The following ABCA13 variants were observed in gnomAD, a reference collection of about 807,000 sequenced individuals.
ABCA13 encodes ATP-binding cassette sub-family A member 13.
A neutral mutation model predicts 478.7 loss-of-function variants in ABCA13; 476 were observed. That is an observed-to-expected ratio of 0.99 (90% confidence interval 0.92 to 1.07). The LOEUF (loss-of-function observed/expected upper bound fraction) is 1.07, where lower values mean the gene tolerates loss of function less well. Among genes scored for constraint, ABCA13 ranks in the 50% least tolerant of loss-of-function variants. The probability of loss-of-function intolerance (pLI) is 0.00; values close to 1 mark genes in which losing one functional copy is unlikely to be tolerated. For missense variants in ABCA13, 6,060 were observed against 5,910.6 expected, an observed-to-expected ratio of 1.03 and a Z score of -0.83; for synonymous variants, 2,252 against 2,158.9, an observed-to-expected ratio of 1.04 and a Z score of -1.20.
intron 3 of ABCA13, among the ~76,000 whole-genome samples, chr7:48,206,378 C>T (rs1340282822): frequency 2.0e-5 from 3 of 152,168 alleles, no homozygotes; most frequent in African/African-American, 7.2e-5. Context: ...GGTGTGTAGG[C>T]TAAGAGCAAT....
intron 48 of ABCA13, among the ~76,000 whole-genome samples, chr7:48,504,087 C>T (rs1387082900): frequency 3.9e-5 from 6 of 152,026 alleles, no homozygotes; most frequent in South Asian, 2.1e-4. Flanking sequence ...TTAAATTCAG[C>T]GTTGGACAGA....
At position 48,455,153 on chromosome 7, in the gene ABCA13, G is replaced by A. The variant is rs756701362; in HGVS notation, c.12682G>A (p.Ala4228Thr). ...RTLRAGKSTL[A>T]DLLLPVLFVA... Reference sequence around the variant, plus strand: ...GCTGCGCGCCGGGAAGAGCACCCTCGCCGACCTGCTGCTGCCAGTCCTCTT... The same window carrying A: ...GCTGCGCGCCGGGAAGAGCACCCTCACCGACCTGCTGCTGCCAGTCCTCTT... The change falls in exon 43 of 62, where the codon GCC (alanine) becomes ACC (threonine). Residue 4228 changes from alanine (A) to threonine (T), a missense_variant. By Grantham distance (58) the Ala-to-Thr change is moderately conservative. This residue lies in a region of ABCA13 where 1,627 missense variants were observed against 1,571.0 expected (regional missense o/e 1.04). Coordinates refer to ENST00000435803, the MANE Select transcript of ABCA13 (RefSeq NM_152701.5). The A allele has an allele frequency of 4.4e-6, 7 of 1,579,202 alleles. No homozygotes were observed. The Admixed American group carries it at 7.2e-5, about 16-fold the overall frequency.
chr7:48,537,005 G>C (rs993017713), intron 55 of ABCA13, among the ~76,000 whole-genome samples: 1 of 151,700 alleles, frequency 6.6e-6, no homozygotes, highest in African/African-American at 2.4e-5. Flanking sequence ...TATAACTATG[G>C]TTCTCCTAAA....
At chr7:48,604,339 A>G (rs1791234746) in intron 58 of ABCA13, among the ~76,000 whole-genome samples, 1 of 152,114 alleles carries the variant, frequency 6.6e-6, no homozygotes, top group South Asian at 2.1e-4. Flanking sequence ...TCAATTTTAG[A>G]TCTTTCCAGC....
At chr7:48,593,732 T>A (rs1411968843) in intron 57 of ABCA13, among the ~76,000 whole-genome samples, 1 of 152,072 alleles carries the variant, frequency 6.6e-6, no homozygotes, top group Non-Finnish European at 1.5e-5. Context: ...GGAGCATTTT[T>A]TTTTTTATAA....
chr7:48,483,648 G>T (rs1585535422), intron 47 of ABCA13, among the ~76,000 whole-genome samples: 1 of 152,184 alleles, frequency 6.6e-6, no homozygotes, highest in Admixed American at 6.5e-5. Context: ...GGTCCCCTTA[G>T]AATTAAAGAG....
intron 30 of ABCA13, among the ~76,000 whole-genome samples, chr7:48,351,881 A>AT (rs1426748865): frequency 6.6e-6 from 1 of 152,092 alleles, no homozygotes; most frequent in Non-Finnish European, 1.5e-5. Context: ...AGAGAAAAAA[A>AT]CCCTGCAAAA....
intron 5 of ABCA13, among the ~76,000 whole-genome samples, chr7:48,223,616 C>G (rs1299283900): frequency 6.6e-6 from 1 of 151,956 alleles, no homozygotes; most frequent in Non-Finnish European, 1.5e-5. Context: ...AAGAAAGGCT[C>G]TGATGGAATG....
intron 7 of ABCA13, among the ~76,000 whole-genome samples, chr7:48,230,309 G>C (rs1788856476): frequency 6.6e-6 from 1 of 152,066 alleles, no homozygotes; most frequent in Non-Finnish European, 1.5e-5. Flanking sequence ...CTATTGGGAG[G>C]AAATATTTTA....
Position 48,455,120 on chromosome 7 carries a change from C to A in ABCA13, c.12649C>A (p.Arg4217Ser), listed in dbSNP as rs761878795. 6.4e-7 allele frequency: 1 copy of A among 1,562,036 alleles called. No homozygotes were observed. The highest frequency in any genetic ancestry group is 1.2e-5 in the South Asian group (1 of 84,930). The change falls in exon 43 of 62, where the codon CGC becomes AGC. Residue 4217 changes from arginine to serine, a missense_variant. By Grantham distance (110) the Arg-to-Ser change is moderately radical. Transcript: ENST00000435803. ...GGCCGCGATCCTGGCCCGGAGGCTC[C>A]GCCGCACGCTGCGCGCCGGGAAGAG... ...QVAAILARRL[R>S]RTLRAGKSTL...
chr7:48,397,656 C>T (rs983817558), intron 38 of ABCA13, among the ~76,000 whole-genome samples: 1 of 152,088 alleles, frequency 6.6e-6, no homozygotes, highest in Non-Finnish European at 1.5e-5. Flanking sequence ...TTTATTTTTC[C>T]ATACTTGGAT....
At chr7:48,522,425 C>T (rs1223069620) in intron 53 of ABCA13, among the ~76,000 whole-genome samples, 3 of 152,146 alleles carry the variant, frequency 2.0e-5, no homozygotes, top group African/African-American at 4.8e-5. Flanking sequence ...ATTTTGTCTC[C>T]TGCCTAGAGC....
At chr7:48,231,749 C>T (rs1480520162) in intron 7 of ABCA13, among the ~76,000 whole-genome samples, 1 of 152,130 alleles carries the variant, frequency 6.6e-6, no homozygotes, top group African/African-American at 2.4e-5. Context: ...GCAACCTCTG[C>T]CTCCTGGGTT....
rs755883528 is a variant in ABCA13 at position 48,239,439 on chromosome 7, G to C, written c.1062+34G>C. The C allele has an allele frequency of 2.6e-6, 4 of 1,556,200 alleles. No individual in the cohort carries two copies. In the South Asian group the frequency reaches 3.7e-5, roughly 15 times the overall value. On this transcript the variant is annotated intron_variant, in intron 9 of 61. Coordinates refer to ENST00000435803, the MANE Select transcript of ABCA13 (RefSeq NM_152701.5). ...CCCTCTCTCTATGTTCTGTTCAAAG[G>C]TGTGCCAGTTTGAGTGTCCAAATCC...
intron 43 of ABCA13, among the ~76,000 whole-genome samples, 165 bp from the exon 44 acceptor site, chr7:48,466,791 T>A (rs1826920918): frequency 2.0e-5 from 3 of 152,202 alleles, no homozygotes; most frequent in Admixed American, 2.0e-4. Context: ...TTGTTTGGCA[T>A]TATCATAAAA....
rs754304674 is a variant in ABCA13, at chr7:48,245,980, T to A, written c.1609T>A (p.Ser537Thr). The change falls in exon 13 of 62, where the codon TCC becomes ACC. Residue 537 changes from serine to threonine, a missense_variant. Ser to Thr is a moderately conservative substitution (Grantham distance 58). This residue lies in a region of ABCA13 where 4,423 missense variants were observed against 4,309.1 expected (regional missense o/e 1.03). Coordinates refer to ENST00000435803, the MANE Select transcript of ABCA13 (RefSeq NM_152701.5). ...GLQGLLCYCN[S>T]SETSVLNKLL... ...CCAGGGACTGTTGTGCTATTGTAAC[T>A]CCTCTGAGACGAGTGTTTTAAACAA... is the stretch of plus-strand genomic sequence containing the variant. 9 of 1,613,644 alleles carry A rather than the reference T, an allele frequency of 5.6e-6. No homozygotes were observed. Among genetic ancestry groups the A allele is most frequent in the Non-Finnish European group, 7.6e-6 (9 of 1,179,802 alleles).
intron 3 of ABCA13, among the ~76,000 whole-genome samples, chr7:48,206,395 C>T (rs7812246): frequency 0.2 from 30,755 of 152,106 alleles, 3,361 homozygotes; most frequent in Middle Eastern, 0.26. Flanking sequence ...CAATAGGCTA[C>T]ACCACATGGC....
chr7:48,171,530 G>A lies in ABCA13; in HGVS notation c.47G>A (p.Trp16Ter). 6.5e-7 allele frequency: 1 copy of A among 1,536,370 alleles called. No homozygotes were observed. The highest frequency in any genetic ancestry group is 2.4e-5 in the East Asian group (1 of 40,902). The change falls in exon 1 of 62, where the codon TGG becomes TAG. Residue 16 changes from tryptophan (W) to a stop codon, truncating the protein, a stop_gained. Transcript: ENST00000435803. LOFTEE classifies it high-confidence loss of function. ...CQFKALLWKN[W>*]LCRLRNPVLF... ...TTCAAAGCCCTGCTGTGGAAGAATT[G>A]GCTCTGCAGACTCAGGAACCCGGTG...
chr7:48,583,605 C>G (rs980319251), intron 56 of ABCA13, among the ~76,000 whole-genome samples: 3 of 152,160 alleles, frequency 2.0e-5, no homozygotes, highest in African/African-American at 7.2e-5. Context: ...CCAATGCATC[C>G]GCAAACGAAA....
Sources: gnomAD v4.1 joint callset for allele counts (sites outside exome capture counted in the v4.1 genomes callset) on GRCh38, gnomAD v4.1.1 for gene constraint, gnomAD v4.1.1 regional missense constraint, MANE v1.5 for transcripts, NCBI Gene and HGNC (gene_info 2026-07-23, HGNC 2026-07-21) for gene names.